ALOX15: variants seen among roughly 807,000 people sequenced by gnomAD.
ALOX15 encodes the protein polyunsaturated fatty acid lipoxygenase ALOX15.
Under a neutral mutation model 71.7 loss-of-function variants are expected in ALOX15, and 68 were observed. The observed-to-expected ratio is 0.95, with a 90% CI of 0.78 to 1.16. ALOX15 has a LOEUF of 1.16. Among genes scored for constraint, ALOX15 ranks in the 50% most tolerant of loss-of-function variants. The probability of loss-of-function intolerance (pLI) is 0.00; values close to 1 mark genes in which losing one functional copy is unlikely to be tolerated. For missense variants in ALOX15, 798 were observed against 818.8 expected (o/e 0.97, Z 0.31); for synonymous variants, 346 against 333.3 (o/e 1.04, Z -0.42).
Position 4,631,756 on chromosome 17 carries a change from C to T in ALOX15, c.1833G>A (p.Glu611=). Residue 611 remains glutamate (E), a synonymous_variant, in exon 14 of 14, where the codon GAG becomes GAA. Transcript: ENST00000293761. The part of the protein sequence containing the change: ...PVMVAVGQHE[E]EYFSGPEPKA... Reference sequence around the variant, plus strand: ...TAGGCTCAGGGCCCGAAAAATACTCCTCCTCATGCTGGCCCACAGCCACCT... The same window carrying T: ...TAGGCTCAGGGCCCGAAAAATACTCTTCCTCATGCTGGCCCACAGCCACCT... The T allele has an allele frequency of 1.2e-6, 2 of 1,614,126 alleles. No homozygotes were observed. Among genetic ancestry groups the T allele is most frequent in the Non-Finnish European group, 1.7e-6 (2 of 1,180,030 alleles).
chr17:4,633,151 G>C lies in ALOX15; in HGVS notation c.1413C>G (p.Ile471Met). Residue 471 changes from isoleucine (I) to methionine (M), a missense_variant, in exon 10 of 14, where the codon ATC (isoleucine) becomes ATG (methionine). Ile to Met is a conservative substitution (Grantham distance 10). Coordinates refer to ENST00000293761, the MANE Select transcript of ALOX15 (RefSeq NM_001140.5). ...AQDALRLWEI[I>M]YRYVEGIVSL... Reference sequence around the variant, plus strand: ...GGCCTTCCCGCTTGCCTCACCGATAGATGATTTCCCAGAGCCGCAGCGCAT... The same window carrying C: ...GGCCTTCCCGCTTGCCTCACCGATACATGATTTCCCAGAGCCGCAGCGCAT... 6.2e-7 allele frequency: 1 copy of C among 1,613,808 alleles called. No individual in the cohort carries two copies. The highest frequency in any genetic ancestry group is 8.5e-7 in the Non-Finnish European group (1 of 1,179,844).
Position 4,639,143 on chromosome 17 carries a change from AGAG to A in ALOX15, c.338-14_338-12del, listed in dbSNP as rs755438914. 1.3e-5 allele frequency: 21 copies of A among 1,614,088 alleles called. No individual in the cohort carries two copies. Among genetic ancestry groups the A allele is most frequent in the Non-Finnish European group, 1.6e-5 (19 of 1,179,988 alleles). On this transcript the variant is annotated splice_polypyrimidine_tract_variant and intron_variant, in intron 2 of 13. Coordinates refer to ENST00000293761, the MANE Select transcript of ALOX15 (RefSeq NM_001140.5). Reference sequence around the variant, plus strand: ...CGCCCACAGTGCGGCCTAGAAGGACAGAGGAGGACTTGGCCAGTGACTTTTGGT... The same window carrying A: ...CGCCCACAGTGCGGCCTAGAAGGACAGAGGACTTGGCCAGTGACTTTTGGT...
rs1351645557 is a variant in ALOX15, at chr17:4,631,548, T to C, written c.*52A>G. 6.3e-7 allele frequency: 1 copy of C among 1,599,950 alleles called. No individual in the cohort carries two copies. The highest frequency in any genetic ancestry group is 1.3e-5 in the African/African-American group (1 of 74,622). On this transcript the variant is annotated 3_prime_UTR_variant, in exon 14 of 14. Coordinates refer to ENST00000293761, the MANE Select transcript of ALOX15 (RefSeq NM_001140.5). ...GGGCAGGGCTATAACCACGAAGGGG[T>C]CAGCTTGTGGCTTGGGTGATGGGGG...
At chr17:4,636,882 C>T (rs1447754782) in intron 7 of ALOX15, among the ~76,000 whole-genome samples, 2 of 152,154 alleles carry the variant, frequency 1.3e-5, no homozygotes, top group Non-Finnish European at 2.9e-5. Flanking sequence ...CCCTCCTGGG[C>T]TGTCTCTGTC....
rs543478770 is a variant in ALOX15, at chr17:4,632,013, C to T, written c.1685G>A (p.Arg562Gln). The change falls in exon 13 of 14, where the codon CGG becomes CAG. Residue 562 changes from arginine (R) to glutamine (Q), a missense_variant. By Grantham distance (43) the Arg-to-Gln change is conservative (BLOSUM62 1). Transcript: ENST00000293761. ...ATCCTTGGTGGTTGGCGGGGGCAGC[C>T]GCATCGTGCAGGGTGCATTAGGCAC... ...SWVPNAPCTM[R>Q]LPPPTTKDAT... 1.3e-4 allele frequency: 210 copies of T among 1,613,738 alleles called. 1 individual carries two copies. The South Asian group carries it at 2.1e-3, about 16-fold the overall frequency.
chr17:4,631,815 T>TGA, intron 13 of ALOX15, 36 bp from the exon 14 acceptor site: 1 of 1,612,258 alleles, frequency 6.2e-7, no homozygotes, highest in Non-Finnish European at 8.5e-7. Flanking sequence ...GAGAGCCTTA[T>TGA]GACCCCCAGT....
intron 6 of ALOX15, among the ~76,000 whole-genome samples, chr17:4,637,904 A>G (rs1486317738): frequency 4.0e-5 from 6 of 151,868 alleles, no homozygotes; most frequent in African/African-American, 1.5e-4. Flanking sequence ...ATGAACAGCC[A>G]CAGCACTCTG....
At chr17:4,639,904 TGAGCGCTGCCGCGCCCTGGAC>T in intron 1 of ALOX15, 1 of 383,516 alleles carries the variant, frequency 2.6e-6, no homozygotes, top group Non-Finnish European at 4.6e-6. Context: ...AGCGCTGGGC[TGAGCGCTGCCGCGCCCTGGAC>T]GAGCGCGCTG....
Position 4,639,497 on chromosome 17 carries a change from G to T in ALOX15, c.270C>A (p.Asp90Glu), listed in dbSNP as rs1223899330. 6.2e-7 allele frequency: 1 copy of T among 1,613,850 alleles called. No homozygotes were observed. Among genetic ancestry groups the T allele is most frequent in the Non-Finnish European group, 8.5e-7 (1 of 1,180,032 alleles). ...WISVQGPGAG[D>E]EVRFPCYRWV... ...AGCGGTAACAAGGGAACCTGACCTCGTCCCCGGCTCCGGGGCCCTGCACAG... is the reference window on the plus strand; with the variant it reads ...AGCGGTAACAAGGGAACCTGACCTCTTCCCCGGCTCCGGGGCCCTGCACAG... Residue 90 changes from aspartate to glutamate, a missense_variant, in exon 2 of 14, where the codon GAC becomes GAA. This residue lies in a region of ALOX15 where 300 missense variants were observed against 283.1 expected (regional missense o/e 1.06). Transcript: ENST00000293761.
intron 1 of ALOX15, among the ~76,000 whole-genome samples, chr17:4,640,390 ACCGACGACCGCT>A (rs1911276576): frequency 7.0e-6 from 1 of 143,364 alleles, no homozygotes; most frequent in South Asian, 2.3e-4. Context: ...AACCGGGAGG[ACCGACGACCGCT>A]CCGGCGACCG....
intron 3 of ALOX15, 25 bp from the exon 4 acceptor site, chr17:4,638,997 T>C (rs762503711): frequency 1.2e-5 from 19 of 1,614,012 alleles, no homozygotes; most frequent in Admixed American, 5.0e-5. Flanking sequence ...GGAAATCAAG[T>C]ATGGGTGCTG....
At position 4,639,077 on chromosome 17, in the gene ALOX15, CTCT is replaced by C; in HGVS notation, c.390_392del (p.Glu131del). On this transcript the variant is annotated inframe_deletion, in exon 3 of 14. Transcript: ENST00000293761. ...GGTACAACTTCCTTCTCTCTTCCAG[CTCT>C]TCTTCCCGGTGTTTCTGGAACAGGC... The C allele has an allele frequency of 6.2e-7, 1 of 1,614,236 alleles. No homozygotes were observed. Among genetic ancestry groups the C allele is most frequent in the Non-Finnish European group, 8.5e-7 (1 of 1,180,040 alleles).
intron 1 of ALOX15, among the ~76,000 whole-genome samples, chr17:4,640,600 G>A (rs1911284776): frequency 7.7e-6 from 1 of 129,598 alleles, no homozygotes; most frequent in South Asian, 2.6e-4. Flanking sequence ...CCCTCACCAT[G>A]GAGTCGCGGG....
At position 4,632,558 on chromosome 17, in the gene ALOX15, T is replaced by A. The variant is rs575899590; in HGVS notation, c.1541-277A>T. ...AAGCTGGTCAGCATCACCTTGGTAGTCACAGTAAAAATATTTATACCATGG... is the reference window on the plus strand; with the variant it reads ...AAGCTGGTCAGCATCACCTTGGTAGACACAGTAAAAATATTTATACCATGG... On this transcript the variant is annotated intron_variant, in intron 11 of 13. Coordinates refer to ENST00000293761, the MANE Select transcript of ALOX15 (RefSeq NM_001140.5). 2.0e-5 allele frequency among the ~76,000 whole-genome samples: 3 copies of A among 152,250 alleles called. No individual in the cohort carries two copies. The East Asian group carries it at 5.8e-4, about 29-fold the overall frequency.
At chr17:4,639,014 T>A in intron 3 of ALOX15, 37 bp downstream of exon 3, 1 of 1,614,184 alleles carries the variant, frequency 6.2e-7, no homozygotes, top group Non-Finnish European at 8.5e-7. Context: ...GCTGGAAGCA[T>A]CAGCAGCTCA....
chr17:4,634,959 CAAT>C (rs113006980), intron 8 of ALOX15, among the ~76,000 whole-genome samples: 21 of 145,372 alleles, frequency 1.4e-4, no homozygotes, highest in Admixed American at 4.8e-4. Context: ...GCCTGGGCAG[CAAT>C]AATAATAATA....
At chr17:4,639,179 T>TC in intron 2 of ALOX15, 47 bp from the exon 3 acceptor site, 1 of 1,605,020 alleles carries the variant, frequency 6.2e-7, no homozygotes, top group Non-Finnish European at 8.5e-7. Context: ...GGTGAGCGCC[T>TC]CTTCTTGTCT....
Position 4,631,769 on chromosome 17 carries a change from C to T in ALOX15, c.1820G>A (p.Gly607Asp). 1.2e-6 allele frequency: 2 copies of T among 1,614,044 alleles called. No individual in the cohort carries two copies. Among genetic ancestry groups the T allele is most frequent in the Non-Finnish European group, 1.7e-6 (2 of 1,180,016 alleles). ...CGAAAAATACTCCTCCTCATGCTGG[C>T]CCACAGCCACCTGGGAGGGAGAGGA... ...GRRQPVMVAV[G>D]QHEEEYFSGP... The change falls in exon 14 of 14, where the codon GGC (glycine) becomes GAC (aspartate). Residue 607 changes from glycine (G) to aspartate (D), a missense_variant. Around this residue, in one of 3 missense-constraint regions of ALOX15, gnomAD observed 490 missense variants for 509.4 expected, o/e 0.96. Transcript: ENST00000293761.
In ALOX15 at chr17:4,639,617, C is replaced by G. The variant is rs1467743182; in HGVS notation, c.150G>C (p.Lys50Asn). The G allele has an allele frequency of 6.8e-6, 11 of 1,612,480 alleles. No homozygotes were observed. Among genetic ancestry groups the G allele is most frequent in the Non-Finnish European group, 9.3e-6 (11 of 1,179,370 alleles). ...WPARGKETELKVEVPEYLGPL... is the reference protein window; with the variant it reads ...WPARGKETELNVEVPEYLGPL... ...GCCCCAGATACTCCGGTACTTCCAC[C>G]TTGAGTTCTGTCTCCTGCGGGCGAC... Residue 50 changes from lysine (K) to asparagine (N), a missense_variant, in exon 2 of 14, where the codon AAG (lysine) becomes AAC (asparagine). This residue lies in a region of ALOX15 where 300 missense variants were observed against 283.1 expected (regional missense o/e 1.06). Transcript: ENST00000293761.
Sources: allele counts gnomAD v4.1 joint callset (sites outside exome capture counted in the v4.1 genomes callset), GRCh38; gene constraint gnomAD v4.1.1; regional missense constraint gnomAD v4.1.1; transcripts MANE v1.5; gene names NCBI Gene and HGNC (gene_info 2026-07-23, HGNC 2026-07-21).